The following CHSY1 variants were observed in gnomAD, a reference collection of about 807,000 sequenced individuals.
CHSY1 encodes N-acetylgalactosaminyl-proteoglycan 3-beta-glucuronosyltransferase 1.
In CHSY1, 13 loss-of-function variants were observed where a neutral mutation model predicts 59.8. That is an observed-to-expected ratio of 0.22 (90% CI 0.14 to 0.35). CHSY1 has a LOEUF of 0.35. Among genes scored for constraint, CHSY1 ranks in the 10% least tolerant of loss-of-function variants. The probability of loss-of-function intolerance (pLI) is 1.00; values close to 1 mark genes in which losing one functional copy is unlikely to be tolerated. For missense variants in CHSY1, 947 were observed against 1,030.6 expected (o/e 0.92, Z 1.11); for synonymous variants, 459 against 401.2 (o/e 1.14, Z -1.72).
intron 2 of CHSY1, among the ~76,000 whole-genome samples, chr15:101,225,018 C>T (rs754513642): frequency 6.6e-5 from 10 of 152,332 alleles, no homozygotes; most frequent in South Asian, 4.1e-4. Flanking sequence ...GCCCAGGCAA[C>T]GAGAGTGCCT....
chr15:101,189,059 G>A (rs1398153079), intron 2 of CHSY1, among the ~76,000 whole-genome samples: 2 of 152,180 alleles, frequency 1.3e-5, no homozygotes, highest in Admixed American at 1.3e-4. Context: ...TTTACTGAAC[G>A]CTCCCGTGAA....
rs145169375 is a variant in CHSY1 at position 101,246,243 on chromosome 15, A to C, written c.320+4894T>G. ...CTTCTGACAACATAAAAAAAGAACAAAACTATTCCCCATCTTCAGCCCAGA... is the reference window on the plus strand; with the variant it reads ...CTTCTGACAACATAAAAAAAGAACACAACTATTCCCCATCTTCAGCCCAGA... On this transcript the variant is annotated intron_variant, in intron 1 of 2. Transcript: ENST00000254190. 2.3e-4 allele frequency among the ~76,000 whole-genome samples: 35 copies of C among 152,350 alleles called. 1 individual carries two copies. Among genetic ancestry groups the C allele is most frequent in the African/African-American group, 8.2e-4 (34 of 41,578 alleles).
intron 1 of CHSY1, among the ~76,000 whole-genome samples, chr15:101,249,140 C>T (rs529814329): frequency 6.6e-6 from 1 of 151,768 alleles, no homozygotes; most frequent in East Asian, 1.9e-4. Flanking sequence ...TGCATTAGGC[C>T]CCCCACTGAT....
chr15:101,235,002 A>G (rs1482869789), intron 2 of CHSY1, 80 bp downstream of exon 2: 23 of 1,551,196 alleles, frequency 1.5e-5, no homozygotes, highest in Non-Finnish European at 1.9e-5. Flanking sequence ...TATCATCTCT[A>G]GTTTCCTATG....
chr15:101,233,305 G>T (rs1228273133), intron 2 of CHSY1, among the ~76,000 whole-genome samples: 1 of 152,150 alleles, frequency 6.6e-6, no homozygotes, highest in Non-Finnish European at 1.5e-5. Context: ...TGTCTGTCCA[G>T]CAGTATATAA....
At position 101,177,392 on chromosome 15, in the gene CHSY1, G is replaced by A. The variant is rs563378929; in HGVS notation, c.2405C>T (p.Ala802Val). The A allele has an allele frequency of 2.2e-5, 36 of 1,611,022 alleles. No individual in the cohort carries two copies. The South Asian group carries it at 3.7e-4, about 16-fold the overall frequency. ...CTTTTCCAGCAAAGCTGGACATTAG[G>A]CTGTCCTCACTGAGCCATTATTATT... ...SSNNNGSVRT[A>V] Residue 802 changes from alanine (A) to valine (V), a missense_variant, in exon 3 of 3, where the codon GCC becomes GTC. Ala to Val is a moderately conservative substitution (Grantham distance 64, BLOSUM62 0). Coordinates refer to ENST00000254190, the MANE Select transcript of CHSY1 (RefSeq NM_014918.5).
At chr15:101,214,870 T>C (rs1419307400) in intron 2 of CHSY1, among the ~76,000 whole-genome samples, 2 of 147,814 alleles carry the variant, frequency 1.4e-5, no homozygotes, top group Non-Finnish European at 3.0e-5. Context: ...GGATTTCTCA[T>C]GCATAGGTGG....
chr15:101,217,734 C>G (rs1334083602), intron 2 of CHSY1, among the ~76,000 whole-genome samples: 5 of 152,194 alleles, frequency 3.3e-5, no homozygotes, highest in African/African-American at 1.2e-4. Flanking sequence ...GCCATATTGA[C>G]ATAACTGAAC....
chr15:101,220,482 A>C (rs1047179179), intron 2 of CHSY1, among the ~76,000 whole-genome samples: 1 of 151,952 alleles, frequency 6.6e-6, no homozygotes, highest in Admixed American at 6.5e-5. Context: ...TATCAACTCT[A>C]CCTGCAAAAT....
In CHSY1 at chr15:101,177,618, C is replaced by T. The variant is rs1019687652; in HGVS notation, c.2179G>A (p.Val727Ile). 2 of 1,614,094 alleles carry T rather than the reference C, an allele frequency of 1.2e-6. No individual in the cohort carries two copies. The highest frequency in any genetic ancestry group is 1.7e-6 in the Non-Finnish European group (2 of 1,180,034). Residue 727 changes from valine (V) to isoleucine (I), a missense_variant, in exon 3 of 3, where the codon GTT becomes ATT. Val to Ile is a conservative substitution (Grantham distance 29). Transcript: ENST00000254190. ...GLEDVDLFNKVVQAGLKTFRS... is the reference protein window; with the variant it reads ...GLEDVDLFNKIVQAGLKTFRS... The stretch of plus-strand genomic sequence containing the variant: ...AACGTCTTCAAACCTGCCTGGACAA[C>T]CTTGTTGAAAAGGTCCACATCCTCC...
intron 1 of CHSY1, among the ~76,000 whole-genome samples, chr15:101,239,845 A>ACT (rs138217357): frequency 0.1 from 15,579 of 152,160 alleles, 1,011 homozygotes; most frequent in Middle Eastern, 0.18. Context: ...TCCCTACTAG[A>ACT]CTGAGGATGA....
rs138089521 is a variant in CHSY1, at chr15:101,216,120, C to T, written c.816+18962G>A. On this transcript the variant is annotated intron_variant, in intron 2 of 2. Transcript: ENST00000254190. The stretch of plus-strand genomic sequence containing the variant: ...TTATAAACAGCTAGAAACACAGTAC[C>T]AAATAAAAGCACCTCAGCCTGGACT... Among the ~76,000 whole-genome samples the T allele has an allele frequency of 1.0e-3, 152 of 145,580 alleles. 3 individuals carry two copies. The East Asian group carries it at 0.032, about 31-fold the overall frequency.
chr15:101,235,231 G>GC lies in CHSY1; in HGVS notation c.666dup (p.Pro223AlafsTer29), dbSNP rs762321510. 1 of 1,613,864 alleles carries GC rather than the reference G, an allele frequency of 6.2e-7. No individual in the cohort carries two copies. On this transcript the variant is annotated frameshift_variant, in exon 2 of 3. Coordinates refer to ENST00000254190, the MANE Select transcript of CHSY1 (RefSeq NM_014918.5). LOFTEE classifies it high-confidence loss of function. Reference sequence around the variant, plus strand: ...ACCTCCCGGCTCATGATCACGCCAGGCCCCCCCATGCAGAAGTTCTCACCA... The same window carrying GC: ...ACCTCCCGGCTCATGATCACGCCAGGCCCCCCCCATGCAGAAGTTCTCACCA...
intron 1 of CHSY1, among the ~76,000 whole-genome samples, chr15:101,244,545 A>C (rs2039032704): frequency 6.6e-6 from 1 of 152,246 alleles, no homozygotes; most frequent in Non-Finnish European, 1.5e-5. Context: ...TTATTACAAA[A>C]TAACTGCTTA....
In CHSY1 at chr15:101,235,241, G is replaced by A. The variant is rs139411585; in HGVS notation, c.657C>T (p.Cys219=). The A allele has an allele frequency of 2.7e-5, 44 of 1,614,106 alleles. No homozygotes were observed. In the African/African-American group the frequency reaches 5.6e-4, roughly 21 times the overall value. Residue 219 remains cysteine, a synonymous_variant, in exon 2 of 3, where the codon TGC becomes TGT. Coordinates refer to ENST00000254190, the MANE Select transcript of CHSY1 (RefSeq NM_014918.5). The part of the protein sequence containing the change: ...KLALEPGENF[C]MGGPGVIMSR... ...TCATGATCACGCCAGGCCCCCCCAT[G>A]CAGAAGTTCTCACCAGGCTCCAGGG... is the stretch of plus-strand genomic sequence containing the variant.
intron 2 of CHSY1, among the ~76,000 whole-genome samples, chr15:101,216,950 A>G (rs2141264157): frequency 6.6e-6 from 1 of 152,342 alleles, no homozygotes; most frequent in African/African-American, 2.4e-5. Flanking sequence ...TGACAAAACA[A>G]TCTAACTGCA....
At position 101,251,226 on chromosome 15, in the gene CHSY1, TG is replaced by T; in HGVS notation, c.230del (p.Pro77GlnfsTer16). Reference sequence around the variant, plus strand: ...AGTTCCTGTCGCGCGGGCCGCCATCTGGGTCCGAGCCGGGCGGCCAGAGCTG... The same window carrying T: ...AGTTCCTGTCGCGCGGGCCGCCATCTGGTCCGAGCCGGGCGGCCAGAGCTG... ...GAQLWPPGSD[P>X]DGGPRDRNFL... On this transcript the variant is annotated frameshift_variant, in exon 1 of 3. Coordinates refer to ENST00000254190, the MANE Select transcript of CHSY1 (RefSeq NM_014918.5). LOFTEE classifies it high-confidence loss of function. The T allele has an allele frequency of 6.3e-7, 1 of 1,587,536 alleles. No individual in the cohort carries two copies.
At position 101,251,460 on chromosome 15, in the gene CHSY1, C is replaced by G; in HGVS notation, c.-4G>C. 2.6e-6 allele frequency: 2 copies of G among 765,356 alleles called. No homozygotes were observed. Among genetic ancestry groups the G allele is most frequent in the Non-Finnish European group, 3.1e-6 (2 of 649,336 alleles). The allele number at this position is 765,356 out of a possible 1,614,324, so 47.4% of individuals were successfully genotyped here. ...CGCGCCGGCCGCGCGCGGCCATGCC[C>G]GCGCCGCTCCGCCCGCCGGGCCGCC... is the stretch of plus-strand genomic sequence containing the variant. On this transcript the variant is annotated 5_prime_UTR_variant, in exon 1 of 3. Coordinates refer to ENST00000254190, the MANE Select transcript of CHSY1 (RefSeq NM_014918.5).
At chr15:101,227,990 CA>C (rs879650120) in intron 2 of CHSY1, among the ~76,000 whole-genome samples, 207 of 138,346 alleles carry the variant, frequency 1.5e-3, no homozygotes, top group Non-Finnish European at 1.9e-3. Flanking sequence ...GTCTAGTTTC[CA>C]AAAAAAAAAA....
Sources: allele counts gnomAD v4.1 joint callset (sites outside exome capture counted in the v4.1 genomes callset), GRCh38; gene constraint gnomAD v4.1.1; transcripts MANE v1.5; gene names NCBI Gene and HGNC (gene_info 2026-07-23, HGNC 2026-07-21).